SEPTIN7: variants seen among roughly 807,000 people sequenced by gnomAD.
SEPTIN7 encodes septin-7.
A neutral mutation model predicts 63.3 loss-of-function variants in SEPTIN7; 10 were observed. The observed-to-expected ratio is 0.16, with a 90% CI of 0.10 to 0.27. SEPTIN7 has a LOEUF of 0.27. Ranked by LOEUF, SEPTIN7 falls within the 10% of genes least tolerant of loss-of-function variation. SEPTIN7 has a pLI of 1.00. For synonymous variants in SEPTIN7, 131 were observed against 165.3 expected (o/e 0.79, Z 1.59); for missense variants, 310 against 521.0 (o/e 0.59, Z 3.94).
At chr7:35,858,098 G>A (rs1434794491) in intron 3 of SEPTIN7, among the ~76,000 whole-genome samples, 5 of 151,504 alleles carry the variant, frequency 3.3e-5, no homozygotes, top group East Asian at 3.9e-4. Context: ...ATGTGCCACC[G>A]GGACAGGGTA....
At chr7:35,914,699 A>G in the SEPTIN7 span, among the ~76,000 whole-genome samples, 1 of 151,596 alleles carries the variant, frequency 6.6e-6, no homozygotes, top group Non-Finnish European at 1.5e-5. Context: ...ATATATATAG[A>G]TTATGTACAC....
rs1295263082 is a variant in SEPTIN7 at position 35,890,464 on chromosome 7, G to A, written c.873-204G>A. ...AAAATGTCACTGGAATCTAAATTTG[G>A]TGTCAAGTTAGCTTATTTTTTGTTG... On this transcript the variant is annotated intron_variant, in intron 10 of 13. Coordinates refer to ENST00000350320, the MANE Select transcript of SEPTIN7 (RefSeq NM_001788.6). 12 of 313,674 alleles carry A rather than the reference G, an allele frequency of 3.8e-5. No individual in the cohort carries two copies. The Admixed American group carries it at 4.0e-4, about 10-fold the overall frequency. 19.4% of individuals were successfully genotyped at this position (313,674 alleles called of 1,614,324 possible). A position where few individuals can be genotyped will look rare whatever the true frequency, so the allele number is the denominator to read the frequency against.
At position 35,827,404 on chromosome 7, in the gene SEPTIN7, T is replaced by G. The variant is rs542216407; in HGVS notation, c.62-4088T>G. 6.0e-4 allele frequency among the ~76,000 whole-genome samples: 92 copies of G among 152,362 alleles called. 3 individuals carry two copies. Among genetic ancestry groups the G allele is most frequent in the Non-Finnish European group, 1.8e-4 (12 of 68,034 alleles). Reference sequence around the variant, plus strand: ...CAGTGGGTGGTTAAGTCTTTTGAATTACAGACTATGGTTGATTTTAGAATT... The same window carrying G: ...CAGTGGGTGGTTAAGTCTTTTGAATGACAGACTATGGTTGATTTTAGAATT... On this transcript the variant is annotated intron_variant, in intron 1 of 13. Transcript: ENST00000350320.
At chr7:35,803,252 T>A in intron 1 of SEPTIN7, 2 of 505,222 alleles carry the variant, frequency 4.0e-6, no homozygotes, top group Non-Finnish European at 5.1e-6. Context: ...TAAAATTGGT[T>A]GTTCAGATTT....
chr7:35,890,118 A>C (rs1484439391), intron 10 of SEPTIN7, among the ~76,000 whole-genome samples: 1 of 152,242 alleles, frequency 6.6e-6, no homozygotes, highest in Non-Finnish European at 1.5e-5. Context: ...TTTATATATG[A>C]TAGAAATGCT....
At chr7:35,895,507 GGTT>G (rs1787908082) in intron 11 of SEPTIN7, among the ~76,000 whole-genome samples, 1 of 152,080 alleles carries the variant, frequency 6.6e-6, no homozygotes, top group Non-Finnish European at 1.5e-5. Context: ...CACATTTGCA[GGTT>G]TAAAACTTTC....
intron 10 of SEPTIN7, among the ~76,000 whole-genome samples, chr7:35,887,690 G>A (rs1016627977): frequency 6.6e-6 from 1 of 152,190 alleles, no homozygotes; most frequent in Non-Finnish European, 1.5e-5. Flanking sequence ...ACAGCCTGGC[G>A]GCTAGTGAGG....
downstream of SEPTIN7, among the ~76,000 whole-genome samples, chr7:35,909,124 A>AT (rs1017673340): frequency 5.3e-5 from 8 of 151,590 alleles, no homozygotes; most frequent in East Asian, 3.9e-4. Flanking sequence ...GAGCTGTCCA[A>AT]TTTTTTTTTC....
intron 3 of SEPTIN7, among the ~76,000 whole-genome samples, chr7:35,857,908 T>C (rs1007303463): frequency 6.6e-6 from 1 of 151,944 alleles, no homozygotes; most frequent in Non-Finnish European, 1.5e-5. Flanking sequence ...TGGTGGCAAA[T>C]AGTCTAGTCC....
chr7:35,880,218 CTTTTCTT>C (rs1229102500), intron 7 of SEPTIN7, among the ~76,000 whole-genome samples: 1 of 91,482 alleles, frequency 1.1e-5, no homozygotes, highest in African/African-American at 4.4e-5. Flanking sequence ...CTTTTTTTTT[CTTTTCTT>C]TTTTTTTTTT....
At chr7:35,806,020 G>T (rs1439964226) in intron 1 of SEPTIN7, among the ~76,000 whole-genome samples, 1 of 152,214 alleles carries the variant, frequency 6.6e-6, no homozygotes, top group Non-Finnish European at 1.5e-5. Context: ...CATCCCTGCT[G>T]TCATCGTGCT....
intron 3 of SEPTIN7, among the ~76,000 whole-genome samples, chr7:35,854,833 T>G (rs922500796): frequency 6.6e-6 from 1 of 152,014 alleles, no homozygotes; most frequent in African/African-American, 2.4e-5. Context: ...AAAACTGATA[T>G]ACAAAGAAGA....
chr7:35,893,609 G>C (rs1435572711), intron 11 of SEPTIN7, among the ~76,000 whole-genome samples: 1 of 152,228 alleles, frequency 6.6e-6, no homozygotes, highest in East Asian at 1.9e-4. Flanking sequence ...ATGTATCCCC[G>C]TTGTTAAGCA....
chr7:35,809,084 T>A (rs1788538420), intron 1 of SEPTIN7, among the ~76,000 whole-genome samples: 1 of 152,268 alleles, frequency 6.6e-6, no homozygotes, highest in Admixed American at 6.5e-5. Context: ...ATATTGCTGT[T>A]AAGTCATTAG....
intron 8 of SEPTIN7, among the ~76,000 whole-genome samples, chr7:35,882,850 TAA>T (rs1562574657): frequency 6.6e-6 from 1 of 152,060 alleles, no homozygotes; most frequent in East Asian, 1.9e-4. Context: ...TTTTTTCTCT[TAA>T]AAAACAAGTG....
intron 3 of SEPTIN7, among the ~76,000 whole-genome samples, chr7:35,854,499 G>A (rs1048194985): frequency 6.6e-6 from 1 of 152,124 alleles, no homozygotes; most frequent in African/African-American, 2.4e-5. Flanking sequence ...AATGAACAAG[G>A]CACTCCTCAC....
At chr7:35,854,701 AC>A (rs1562551188) in intron 3 of SEPTIN7, among the ~76,000 whole-genome samples, 1 of 152,046 alleles carries the variant, frequency 6.6e-6, no homozygotes, top group Non-Finnish European at 1.5e-5. Context: ...ACTCCCAATC[AC>A]TATATTTGCA....
chr7:35,846,301 A>T (rs1233791977), intron 3 of SEPTIN7, among the ~76,000 whole-genome samples: 1 of 152,194 alleles, frequency 6.6e-6, no homozygotes. Context: ...TGGACCTGGA[A>T]GGTCTCCCTC....
chr7:35,831,989 G>A (rs1170878481), intron 2 of SEPTIN7: 1 of 377,754 alleles, frequency 2.6e-6, no homozygotes, highest in Non-Finnish European at 5.2e-6. Context: ...ATGAGACTCT[G>A]CTTATTCAAA....
Sources: gnomAD v4.1 joint callset for allele counts (sites outside exome capture counted in the v4.1 genomes callset) on GRCh38, gnomAD v4.1.1 for gene constraint, MANE v1.5 for transcripts, NCBI Gene and HGNC (gene_info 2026-07-23, HGNC 2026-07-21) for gene names.